Variants in MYH11 observed in about 807,000 individuals in gnomAD.
The protein encoded by MYH11 is myosin heavy chain 11.
In MYH11, 80 loss-of-function variants were observed where a neutral mutation model predicts 246.6. The ratio of observed to expected loss-of-function variants is 0.32; its 90% CI spans 0.27 to 0.39. The LOEUF (loss-of-function observed/expected upper bound fraction) is 0.39, where lower values mean the gene tolerates loss of function less well. MYH11 is among the 10% of genes least tolerant of loss of function. The pLI is 1.00. For synonymous variants in MYH11, 1,071 were observed against 1,015.5 expected, an observed-to-expected ratio of 1.05 and a Z score of -1.04; for missense variants, 2,158 against 2,546.8, an observed-to-expected ratio of 0.85 and a Z score of 3.29.
chr16:15,846,889 G>A lies in MYH11; in HGVS notation c.-17-8620C>T, dbSNP rs186438518. Among the ~76,000 whole-genome samples, 232 of 152,194 alleles carry A rather than the reference G, an allele frequency of 1.5e-3. No individual in the cohort carries two copies. In the South Asian group the frequency reaches 0.02, roughly 13 times the overall value. On this transcript the variant is annotated intron_variant, in intron 1 of 40. Coordinates refer to ENST00000300036, the MANE Select transcript of MYH11 (RefSeq NM_002474.3). Reference sequence around the variant, plus strand: ...GGATCACTTAAGCTCAGGAGGTCGGGGATGCAGTGAGCCATGATCATGCCA... The same window carrying A: ...GGATCACTTAAGCTCAGGAGGTCGGAGATGCAGTGAGCCATGATCATGCCA...
chr16:15,856,730 A>G (rs2044481676), intron 1 of MYH11, among the ~76,000 whole-genome samples: 1 of 151,884 alleles, frequency 6.6e-6, no homozygotes, highest in Non-Finnish European at 1.5e-5. Context: ...CTCACTGGCA[A>G]TCTTAAGAAA....
chr16:15,827,776 T>C (rs1351258033), intron 2 of MYH11, among the ~76,000 whole-genome samples: 2 of 152,202 alleles, frequency 1.3e-5, no homozygotes, highest in Non-Finnish European at 2.9e-5. Context: ...CTCCGTGACC[T>C]GGGGGCCTTG....
chr16:15,832,782 C>T (rs1465255042), intron 2 of MYH11, among the ~76,000 whole-genome samples: 1 of 151,880 alleles, frequency 6.6e-6, no homozygotes, highest in Non-Finnish European at 1.5e-5. Flanking sequence ...CTCCAGCCCA[C>T]GACCATCACC....
chr16:15,797,570 ATAT>A (rs1383566873), intron 4 of MYH11, among the ~76,000 whole-genome samples: 1 of 148,322 alleles, frequency 6.7e-6, no homozygotes, highest in Non-Finnish European at 1.5e-5. Flanking sequence ...AATATATTAA[ATAT>A]AATACATATT....
intron 3 of MYH11, among the ~76,000 whole-genome samples, chr16:15,821,616 C>T (rs954078842): frequency 1.3e-5 from 2 of 151,838 alleles, no homozygotes; most frequent in African/African-American, 2.4e-5. Context: ...GGGACCTCAG[C>T]TCCAGAAAAG....
At chr16:15,813,245 T>C (rs1191104606) in intron 3 of MYH11, among the ~76,000 whole-genome samples, 1 of 151,912 alleles carries the variant, frequency 6.6e-6, no homozygotes, top group Non-Finnish European at 1.5e-5. Context: ...CTCAGCTACT[T>C]GGGAAGCTGA....
At chr16:15,707,485 A>G (rs1010552278) in intron 40 of MYH11, among the ~76,000 whole-genome samples, 9 of 152,166 alleles carry the variant, frequency 5.9e-5, no homozygotes, top group Non-Finnish European at 1.2e-4. Context: ...TATGATCCCA[A>G]TCAGCTGGTA....
intron 28 of MYH11, 156 bp from the exon 29 acceptor site, chr16:15,725,148 AACACAC>A (rs34909724): frequency 1.5e-5 from 9 of 608,214 alleles, no homozygotes; most frequent in African/African-American, 6.4e-5. Context: ...AAAAAAAAAA[AACACAC>A]ACACACACAA....
chr16:15,761,934 G>C (rs879317021), intron 10 of MYH11, among the ~76,000 whole-genome samples: 4 of 152,156 alleles, frequency 2.6e-5, no homozygotes, highest in Non-Finnish European at 2.9e-5. Context: ...AACCATTTGT[G>C]GGTGTAAGCC....
rs1448853511 is a variant in MYH11, at chr16:15,704,031, G to T, written c.5879C>A (p.Thr1960Asn). The T allele has an allele frequency of 6.2e-7, 1 of 1,614,118 alleles. No homozygotes were observed. Among genetic ancestry groups the T allele is most frequent in the Non-Finnish European group, 8.5e-7 (1 of 1,180,030 alleles). The change falls in exon 41 of 41, where the codon ACT (threonine) becomes AAT (asparagine). Residue 1960 changes from threonine to asparagine, a missense_variant. Physicochemically the swap from Thr to Asn is moderately conservative, Grantham distance 65. Transcript: ENST00000300036. ...NADGSEEETD[T>N]RDADFNGTKA... ...GGTTCCATTGAAGTCTGCGTCTCGA[G>T]TGTCCGTTTCCTCCTCAGAACCATC... is the stretch of plus-strand genomic sequence containing the variant.
intron 3 of MYH11, among the ~76,000 whole-genome samples, chr16:15,799,278 T>C (rs376941416): frequency 6.6e-6 from 1 of 152,144 alleles, no homozygotes; most frequent in Non-Finnish European, 1.5e-5. Context: ...TAAGAATGTG[T>C]TCCAGGCTGC....
At chr16:15,847,326 C>T (rs1418035781) in intron 1 of MYH11, among the ~76,000 whole-genome samples, 3 of 149,688 alleles carry the variant, frequency 2.0e-5, no homozygotes, top group Non-Finnish European at 3.0e-5. Context: ...CCTCAGCTCA[C>T]GGCAACCTCC....
rs1370168954 is a variant in MYH11, at chr16:15,756,997, AC to A, written c.1576-484del. Among the ~76,000 whole-genome samples the A allele has an allele frequency of 3.4e-4, 51 of 150,092 alleles. No homozygotes were observed. In the East Asian group the frequency reaches 0.01, roughly 30 times the overall value. The stretch of plus-strand genomic sequence containing the variant: ...CTATTTTTAGTAGAGGCGGGGTTTC[AC>A]CGTGTTAGCCAGGATGGTCTCCATC... On this transcript the variant is annotated intron_variant, in intron 13 of 40. Transcript: ENST00000300036.
intron 31 of MYH11, among the ~76,000 whole-genome samples, chr16:15,722,530 G>A (rs1362952539): frequency 6.6e-6 from 1 of 152,188 alleles, no homozygotes; most frequent in African/African-American, 2.4e-5. Flanking sequence ...GTGTGCCACT[G>A]CACTACACTC....
At position 15,826,996 on chromosome 16, in the gene MYH11, C is replaced by CA. The variant is rs10573425; in HGVS notation, c.346-3586dup. ...TGGGTGACAGAGGGAGAACCCATCT[C>CA]AAAAAAAAAAAAAAAAAAAAAAAAA... On this transcript the variant is annotated intron_variant, in intron 2 of 40. Transcript: ENST00000300036. Among the ~76,000 whole-genome samples the CA allele has an allele frequency of 6.3e-3, 363 of 57,912 alleles. 8 individuals carry two copies. Among genetic ancestry groups the CA allele is most frequent in the East Asian group, 0.035 (44 of 1,250 alleles). 38.0% of individuals were successfully genotyped at this position (57,912 alleles called of 152,430 possible).
intron 34 of MYH11, 68 bp downstream of exon 34, chr16:15,720,083 G>C: frequency 1.2e-6 from 2 of 1,606,394 alleles, no homozygotes; most frequent in Non-Finnish European, 1.7e-6. Context: ...CCGCTCTGCT[G>C]ACTTCGGTGG....
Position 15,784,610 on chromosome 16 carries a change from G to A in MYH11, c.633+2020C>T, listed in dbSNP as rs75984787. 4.2e-3 allele frequency: 5,922 copies of A among 1,422,480 alleles called. 230 individuals are homozygous for A. The African/African-American group carries it at 0.075, about 18-fold the overall frequency. 88.1% of individuals were successfully genotyped at this position (1,422,480 alleles called of 1,614,324 possible). A position where few individuals can be genotyped will look rare whatever the true frequency, so the allele number is the denominator to read the frequency against. On this transcript the variant is annotated intron_variant, in intron 5 of 40. Transcript: ENST00000300036. Reference sequence around the variant, plus strand: ...CTACCCCATTTCTACCACCAGCTACGGGACTCGGTGGGTGCAAGAGGATCA... The same window carrying A: ...CTACCCCATTTCTACCACCAGCTACAGGACTCGGTGGGTGCAAGAGGATCA...
intron 4 of MYH11, among the ~76,000 whole-genome samples, chr16:15,790,171 G>T (rs1366522785): frequency 6.6e-6 from 1 of 152,178 alleles, no homozygotes; most frequent in Non-Finnish European, 1.5e-5. Flanking sequence ...TGGGCATGGT[G>T]GTGGGTGCCT....
intron 40 of MYH11, among the ~76,000 whole-genome samples, chr16:15,704,596 G>A (rs1275627530): frequency 6.6e-6 from 1 of 152,186 alleles, no homozygotes; most frequent in Admixed American, 6.5e-5. Context: ...CGCCTTAGAG[G>A]TGAGTTTTCA....
Sources: gnomAD v4.1 joint callset for allele counts (sites outside exome capture counted in the v4.1 genomes callset) on GRCh38, gnomAD v4.1.1 for gene constraint, MANE v1.5 for transcripts, NCBI Gene and HGNC (gene_info 2026-07-23, HGNC 2026-07-21) for gene names.